PTK2B: variants seen among roughly 807,000 people sequenced by gnomAD.
PTK2B encodes protein tyrosine kinase 2 beta, also known as protein-tyrosine kinase 2-beta.
In PTK2B, 71 loss-of-function variants were observed where a neutral mutation model predicts 142.9. The ratio of observed to expected loss-of-function variants is 0.50; its 90% CI spans 0.41 to 0.61. PTK2B has a LOEUF of 0.61. Ranked by LOEUF, PTK2B falls within the 20% of genes least tolerant of loss-of-function variation. The probability of loss-of-function intolerance (pLI) is 0.00; values close to 1 mark genes in which losing one functional copy is unlikely to be tolerated. For synonymous variants in PTK2B, 519 were observed against 503.4 expected, an observed-to-expected ratio of 1.03 and a Z score of -0.42; for missense variants, 1,105 against 1,320.4, an observed-to-expected ratio of 0.84 and a Z score of 2.53.
intron 5 of PTK2B, 50 bp from the exon 6 acceptor site, chr8:27,430,043 T>C: frequency 4.5e-6 from 7 of 1,547,950 alleles, no homozygotes; most frequent in Non-Finnish European, 5.4e-6. Context: ...TGGGTCTGAC[T>C]GCCTCATTCT....
chr8:27,381,990 C>T (rs1178308513), intron 1 of PTK2B, among the ~76,000 whole-genome samples: 1 of 152,224 alleles, frequency 6.6e-6, no homozygotes, highest in African/African-American at 2.4e-5. Context: ...CACTCTGTTG[C>T]CCAGGCTGGA....
intron 24 of PTK2B, among the ~76,000 whole-genome samples, chr8:27,449,827 G>A (rs769160670): frequency 3.9e-5 from 6 of 152,198 alleles, no homozygotes; most frequent in Non-Finnish European, 8.8e-5. Flanking sequence ...CTAAAATTAT[G>A]AATAGGTCCA....
At chr8:27,345,805 T>C (rs1175284620) in intron 1 of PTK2B, among the ~76,000 whole-genome samples, 1 of 151,738 alleles carries the variant, frequency 6.6e-6, no homozygotes, top group Non-Finnish European at 1.5e-5. Context: ...CAGGTGAAAA[T>C]GTGTATATGT....
chr8:27,365,211 G>A (rs1475138544), intron 1 of PTK2B, among the ~76,000 whole-genome samples: 2 of 152,316 alleles, frequency 1.3e-5, no homozygotes, highest in East Asian at 3.9e-4. Flanking sequence ...ACACTGTGCT[G>A]CGTGGTATTA....
intron 20 of PTK2B, 118 bp from the exon 21 acceptor site, chr8:27,440,119 A>T: frequency 1.0e-6 from 1 of 1,002,338 alleles, no homozygotes; most frequent in Non-Finnish European, 1.5e-6. Context: ...GTGCTGGAGG[A>T]GGAGGAGGGA....
At chr8:27,347,528 G>C (rs1193158927) in intron 1 of PTK2B, among the ~76,000 whole-genome samples, 1 of 127,016 alleles carries the variant, frequency 7.9e-6, no homozygotes, top group African/African-American at 3.2e-5. Flanking sequence ...GGTTTCTTCT[G>C]AGGCCTCTCT....
chr8:27,431,273 C>G (rs768651164), intron 8 of PTK2B, 125 bp from the exon 9 acceptor site: 3 of 1,554,354 alleles, frequency 1.9e-6, no homozygotes, highest in African/African-American at 1.4e-5. Flanking sequence ...GCCAGGGTTT[C>G]GGTGAGAAGG....
At chr8:27,361,554 C>G (rs1010440626) in intron 1 of PTK2B, among the ~76,000 whole-genome samples, 1 of 152,070 alleles carries the variant, frequency 6.6e-6, no homozygotes, top group African/African-American at 2.4e-5. Context: ...AAAGAGCGAG[C>G]CCTGGACTGG....
intron 1 of PTK2B, among the ~76,000 whole-genome samples, chr8:27,351,525 TC>T: frequency 6.6e-6 from 1 of 152,162 alleles, no homozygotes; most frequent in East Asian, 1.9e-4. Flanking sequence ...TTGACTTCCA[TC>T]CCTCTACTGG....
At chr8:27,418,434 T>G (rs1809534067) in intron 2 of PTK2B, among the ~76,000 whole-genome samples, 1 of 152,196 alleles carries the variant, frequency 6.6e-6, no homozygotes, top group African/African-American at 2.4e-5. Context: ...TCATTCCAAT[T>G]AAGGAACTGA....
chr8:27,445,765 C>T, intron 23 of PTK2B, 29 bp from the exon 24 acceptor site: 1 of 1,612,104 alleles, frequency 6.2e-7, no homozygotes, highest in Non-Finnish European at 8.5e-7. Context: ...TTGTCCCGTG[C>T]CTTGTGCTTC....
chr8:27,385,239 G>A (rs940064544), intron 1 of PTK2B, among the ~76,000 whole-genome samples: 2 of 152,198 alleles, frequency 1.3e-5, no homozygotes, highest in African/African-American at 4.8e-5. Flanking sequence ...GTTACCTGCT[G>A]CTGTTTCTCA....
intron 1 of PTK2B, chr8:27,396,250 T>C (rs1055273215): frequency 6.6e-6 from 1 of 152,234 alleles, no homozygotes; most frequent in Non-Finnish European, 1.5e-5. Context: ...CTTTCTTTTC[T>C]ATTGTCCAGC....
chr8:27,338,712 A>G (rs1261069737), intron 1 of PTK2B, among the ~76,000 whole-genome samples: 3 of 152,248 alleles, frequency 2.0e-5, no homozygotes, highest in Non-Finnish European at 2.9e-5. Flanking sequence ...GTTGTTCAAA[A>G]TAAGATAATT....
At chr8:27,386,902 C>CT (rs1041137530) in intron 1 of PTK2B, among the ~76,000 whole-genome samples, 4 of 150,572 alleles carry the variant, frequency 2.7e-5, no homozygotes, top group Admixed American at 6.6e-5. Flanking sequence ...TAATCACCTA[C>CT]TTTTTTTTCT....
Position 27,419,886 on chromosome 8 carries a change from C to G in PTK2B, c.205-9C>G. On this transcript the variant is annotated splice_polypyrimidine_tract_variant and intron_variant, in intron 2 of 30. Coordinates refer to ENST00000346049, the MANE Select transcript of PTK2B (RefSeq NM_173176.3). ...CCCCTGAGTCATGCCTCTCTCTTCT[C>G]CTCTGCAGGAGATCATCACCTCCAT... 1.2e-6 allele frequency: 2 copies of G among 1,613,958 alleles called. No individual in the cohort carries two copies. Among genetic ancestry groups the G allele is most frequent in the African/African-American group, 1.3e-5 (1 of 75,066 alleles).
In PTK2B at chr8:27,458,307, A is replaced by G. The variant is rs142503445; in HGVS notation, c.2828A>G (p.Gln943Arg). 43 of 1,613,940 alleles carry G rather than the reference A, an allele frequency of 2.7e-5. No homozygotes were observed. The highest frequency in any genetic ancestry group is 3.5e-5 in the Non-Finnish European group (41 of 1,179,968). ...SSSRTEIEGTQKLLNKDLAEL... is the reference protein window; with the variant it reads ...SSSRTEIEGTRKLLNKDLAEL... ...ATCTTCCTACAGATCGAGGGCACCC[A>G]GAAACTGCTCAACAAAGACCTGGCA... Residue 943 changes from glutamine (Q) to arginine (R), a missense_variant, in exon 31 of 31, where the codon CAG (glutamine) becomes CGG (arginine). By Grantham distance (43) the Gln-to-Arg change is conservative (BLOSUM62 1). Transcript: ENST00000346049.
chr8:27,325,882 G>A (rs990761216), intron 1 of PTK2B, among the ~76,000 whole-genome samples: 1 of 152,182 alleles, frequency 6.6e-6, no homozygotes, highest in Non-Finnish European at 1.5e-5. Context: ...CGGGGAAGAG[G>A]GGTTCTATTT....
At chr8:27,341,665 T>TG (rs950125019) in intron 1 of PTK2B, among the ~76,000 whole-genome samples, 16 of 151,926 alleles carry the variant, frequency 1.1e-4, no homozygotes, top group African/African-American at 3.4e-4. Flanking sequence ...TGCAGGGCTG[T>TG]GGGGGGGTTT....
Sources: gnomAD v4.1 joint callset for allele counts (sites outside exome capture counted in the v4.1 genomes callset) on GRCh38, gnomAD v4.1.1 for gene constraint, MANE v1.5 for transcripts, NCBI Gene and HGNC (gene_info 2026-07-23, HGNC 2026-07-21) for gene names.